SLC30A6: variants seen among roughly 807,000 people sequenced by gnomAD.
The protein encoded by SLC30A6 is solute carrier family 30 member 6.
SLC30A6 carries 55 observed loss-of-function variants against 63.0 expected under a neutral mutation model. The ratio of observed to expected loss-of-function variants is 0.87; its 90% confidence interval spans 0.70 to 1.09. SLC30A6 has a LOEUF of 1.09. Among genes scored for constraint, SLC30A6 ranks in the 50% least tolerant of loss-of-function variants. The pLI, the probability that SLC30A6 is intolerant of heterozygous loss-of-function variation, is 0.00. For synonymous variants in SLC30A6, 224 were observed against 186.1 expected (o/e 1.20, Z -1.66); for missense variants, 587 against 549.2 (o/e 1.07, Z -0.69).
At chr2:32,213,977 G>A (rs1160181954) in intron 13 of SLC30A6, among the ~76,000 whole-genome samples, 12 of 151,988 alleles carry the variant, frequency 7.9e-5, no homozygotes, top group Admixed American at 7.9e-4. Flanking sequence ...GCTTTGTGAT[G>A]TGTAGATTCA....
chr2:32,186,014 A>G (rs1355564369), intron 5 of SLC30A6, among the ~76,000 whole-genome samples: 1 of 150,960 alleles, frequency 6.6e-6, no homozygotes, highest in Non-Finnish European at 1.5e-5. Flanking sequence ...TACAGGTGTG[A>G]TCCACCACAC....
intron 13 of SLC30A6, among the ~76,000 whole-genome samples, chr2:32,219,663 T>TGAC (rs1686000724): frequency 6.6e-6 from 1 of 151,984 alleles, no homozygotes; most frequent in South Asian, 2.1e-4. Context: ...CTCGAACTCC[T>TGAC]GACCTCAGGT....
rs556410580 is a variant in SLC30A6 at position 32,217,861 on chromosome 2, G to A, written c.886-2352G>A. Among the ~76,000 whole-genome samples the A allele has an allele frequency of 2.4e-4, 32 of 135,812 alleles. 1 individual carries two copies. In the East Asian group the frequency reaches 5.4e-3, roughly 23 times the overall value. 89.1% of individuals were successfully genotyped at this position (135,812 alleles called of 152,430 possible). A position where few individuals can be genotyped will look rare whatever the true frequency, so the allele number is the denominator to read the frequency against. On this transcript the variant is annotated intron_variant, in intron 13 of 13. Transcript: ENST00000282587. ...ATTGAATTCTTTTTTTTTTTTTCTT[G>A]ATACAAGGTCTCTCTTTGTCACCCA... is the stretch of plus-strand genomic sequence containing the variant.
chr2:32,202,536 T>A (rs1684389559), intron 10 of SLC30A6: 1 of 324,870 alleles, frequency 3.1e-6, no homozygotes, highest in Non-Finnish European at 5.9e-6. Flanking sequence ...TTTCACCGTG[T>A]TAGCCAGGAT....
At chr2:32,181,756 T>A (rs539251271) in intron 4 of SLC30A6, among the ~76,000 whole-genome samples, 7 of 151,952 alleles carry the variant, frequency 4.6e-5, no homozygotes, top group African/African-American at 7.2e-5. Context: ...TAATCCCAGC[T>A]GCTTGGAAAG....
chr2:32,183,287 ACT>A (rs1290561117), intron 4 of SLC30A6, among the ~76,000 whole-genome samples: 3 of 151,942 alleles, frequency 2.0e-5, no homozygotes, highest in Non-Finnish European at 4.4e-5. Flanking sequence ...AGGGAGACAG[ACT>A]CTTGTCTCCC....
At chr2:32,203,247 G>T (rs969372567) in intron 10 of SLC30A6, 3 of 977,828 alleles carry the variant, frequency 3.1e-6, no homozygotes, top group Non-Finnish European at 5.0e-6. Context: ...GGTAGAGCTG[G>T]ACAGACAGGG....
intron 3 of SLC30A6, among the ~76,000 whole-genome samples, chr2:32,174,430 C>T (rs971706307): frequency 3.3e-5 from 5 of 151,654 alleles, no homozygotes; most frequent in African/African-American, 4.8e-5. Flanking sequence ...TGAGCTCAAA[C>T]GATCTACCCA....
chr2:32,204,699 T>C lies in SLC30A6; in HGVS notation c.768+7T>C. The C allele has an allele frequency of 6.3e-7, 1 of 1,575,038 alleles. No individual in the cohort carries two copies. The highest frequency in any genetic ancestry group is 2.2e-5 in the East Asian group (1 of 44,582). Reference sequence around the variant, plus strand: ...TGGGAAAGTCTTACTCCAGGTAAGGTGCTTCTTCCAATGCACGTGCTTAAT... The same window carrying C: ...TGGGAAAGTCTTACTCCAGGTAAGGCGCTTCTTCCAATGCACGTGCTTAAT... On this transcript the variant is annotated splice_region_variant and intron_variant, in intron 11 of 13. Transcript: ENST00000282587.
chr2:32,172,621 A>C (rs973294315), intron 2 of SLC30A6, among the ~76,000 whole-genome samples: 1 of 152,038 alleles, frequency 6.6e-6, no homozygotes, highest in African/African-American at 2.4e-5. Context: ...TTTCTACTCT[A>C]CTTGCATCTA....
intron 4 of SLC30A6, among the ~76,000 whole-genome samples, chr2:32,180,679 C>T (rs761194895): frequency 4.6e-5 from 7 of 152,198 alleles, no homozygotes; most frequent in Non-Finnish European, 8.8e-5. Context: ...GTGGACCTCC[C>T]GCCTCAGCCT....
At chr2:32,173,794 A>T (rs920755118) in intron 2 of SLC30A6, among the ~76,000 whole-genome samples, 1 of 152,218 alleles carries the variant, frequency 6.6e-6, no homozygotes, top group East Asian at 1.9e-4. Flanking sequence ...ATGCATATGT[A>T]TGTGTATTTT....
intron 10 of SLC30A6, chr2:32,202,118 GA>G: frequency 1.3e-6 from 1 of 744,430 alleles, no homozygotes; most frequent in East Asian, 3.0e-5. Context: ...CAGAAAGAAG[GA>G]ACCTTCTCCA....
In SLC30A6 at chr2:32,196,418, A is replaced by G. The variant is rs147461027; in HGVS notation, c.497-926A>G. On this transcript the variant is annotated intron_variant, in intron 8 of 13. Transcript: ENST00000282587. ...TGCCAAGCACTGCTAAATACTTTAC[A>G]TAGAATAACCTATTTAATTCTAGCC... Among the ~76,000 whole-genome samples the G allele has an allele frequency of 1.3e-4, 20 of 152,314 alleles. No individual in the cohort carries two copies. The South Asian group carries it at 3.7e-3, about 28-fold the overall frequency.
Position 32,224,297 on chromosome 2 carries a change from G to A in SLC30A6, c.*3584G>A, listed in dbSNP as rs565180622. 1.2e-3 allele frequency: 633 copies of A among 528,920 alleles called. 3 individuals carry two copies. Among genetic ancestry groups the A allele is most frequent in the Non-Finnish European group, 1.7e-3 (524 of 303,916 alleles). 32.8% of individuals were successfully genotyped at this position (528,920 alleles called of 1,614,324 possible). A position where few individuals can be genotyped will look rare whatever the true frequency, so the allele number is the denominator to read the frequency against. On this transcript the variant is annotated 3_prime_UTR_variant, in exon 14 of 14. Coordinates refer to ENST00000282587, the MANE Select transcript of SLC30A6 (RefSeq NM_017964.5). The stretch of plus-strand genomic sequence containing the variant: ...AGATGAATGAGAATTCCTTCAAGGC[G>A]CCGATAATCCTAGTAGGAGAGCTAA...
intron 12 of SLC30A6, among the ~76,000 whole-genome samples, chr2:32,207,865 A>T (rs212683): frequency 0.72 from 107,574 of 149,686 alleles, 38,829 homozygotes; most frequent in African/African-American, 0.76. Context: ...ATGCCTGGCT[A>T]ATTTTTGTAT....
At chr2:32,181,338 A>G (rs374409768) in intron 4 of SLC30A6, among the ~76,000 whole-genome samples, 12 of 152,200 alleles carry the variant, frequency 7.9e-5, no homozygotes, top group South Asian at 4.1e-4. Flanking sequence ...TGCTAATTCA[A>G]CTGTGATGTA....
intron 2 of SLC30A6, among the ~76,000 whole-genome samples, chr2:32,172,447 C>G (rs1328980006): frequency 6.6e-6 from 1 of 151,884 alleles, no homozygotes; most frequent in Non-Finnish European, 1.5e-5. Flanking sequence ...CTCCTGGGCT[C>G]AAGGGATCCT....
rs1685611984 is a variant in SLC30A6, at chr2:32,215,438, A to G, written c.886-4775A>G. Among the ~76,000 whole-genome samples the G allele has an allele frequency of 2.0e-5, 3 of 150,640 alleles. 1 individual carries two copies. The highest frequency in any genetic ancestry group is 4.2e-4 in the South Asian group (2 of 4,786). On this transcript the variant is annotated intron_variant, in intron 13 of 13. Transcript: ENST00000282587. ...TCAAACTCCTGAGCTCAAGTGATCC[A>G]TCTACCTCAGCCTCCCAAAGTGCTG...
Sources: allele counts gnomAD v4.1 joint callset (sites outside exome capture counted in the v4.1 genomes callset), GRCh38; gene constraint gnomAD v4.1.1; transcripts MANE v1.5; gene names NCBI Gene and HGNC (gene_info 2026-07-23, HGNC 2026-07-21).